Variants in ENTHD1 observed in about 807,000 individuals in gnomAD.
ENTHD1 encodes ENTH domain-containing protein 1.
In ENTHD1, 23 loss-of-function variants were observed where a neutral mutation model predicts 39.1. The observed-to-expected ratio is 0.59, with a 90% CI of 0.42 to 0.83. ENTHD1 has a LOEUF of 0.83. Among genes scored for constraint, ENTHD1 ranks in the 40% least tolerant of loss-of-function variants. The pLI is 0.00. For synonymous variants in ENTHD1, 230 were observed against 258.2 expected, an observed-to-expected ratio of 0.89 and a Z score of 1.05; for missense variants, 624 against 705.4, an observed-to-expected ratio of 0.88 and a Z score of 1.31.
chr22:39,779,503 G>T (rs904227390), intron 5 of ENTHD1, among the ~76,000 whole-genome samples: 6 of 149,884 alleles, frequency 4.0e-5, no homozygotes, highest in Non-Finnish European at 8.9e-5. Context: ...TGTCTTACAA[G>T]AAATGCTAAA....
intron 3 of ENTHD1, among the ~76,000 whole-genome samples, chr22:39,842,606 A>C (rs1017482224): frequency 3.9e-5 from 6 of 152,056 alleles, no homozygotes; most frequent in African/African-American, 1.4e-4. Flanking sequence ...AAAATTGACA[A>C]ATGGGATCTA....
intron 5 of ENTHD1, among the ~76,000 whole-genome samples, chr22:39,783,018 A>C (rs1409855880): frequency 3.9e-5 from 6 of 152,218 alleles, no homozygotes; most frequent in Non-Finnish European, 8.8e-5. Flanking sequence ...ATGCTCTTAT[A>C]CTTAGAAAAA....
chr22:39,873,944 T>C (rs2066265449), intron 2 of ENTHD1, among the ~76,000 whole-genome samples: 1 of 152,184 alleles, frequency 6.6e-6, no homozygotes, highest in Non-Finnish European at 1.5e-5. Flanking sequence ...GACTCGGCAA[T>C]TTACAAAAGA....
chr22:39,759,993 G>A (rs912195849), intron 6 of ENTHD1, among the ~76,000 whole-genome samples: 3 of 151,310 alleles, frequency 2.0e-5, no homozygotes, highest in East Asian at 1.9e-4. Flanking sequence ...TTTTCATACC[G>A]CACTTTATTT....
intron 6 of ENTHD1, among the ~76,000 whole-genome samples, chr22:39,758,149 G>A (rs1000028149): frequency 2.1e-4 from 32 of 152,130 alleles, no homozygotes; most frequent in African/African-American, 7.2e-4. Flanking sequence ...CACCTACTAG[G>A]TCTAGTAGCC....
chr22:39,854,013 A>C (rs1227776264), intron 3 of ENTHD1, among the ~76,000 whole-genome samples: 1 of 152,218 alleles, frequency 6.6e-6, no homozygotes, highest in African/African-American at 2.4e-5. Flanking sequence ...TCAGGGCACA[A>C]GGTGGGAACC....
intron 6 of ENTHD1, among the ~76,000 whole-genome samples, chr22:39,754,602 C>T (rs561992712): frequency 6.6e-6 from 1 of 152,316 alleles, no homozygotes; most frequent in African/African-American, 2.4e-5. Context: ...AAACCCTTCC[C>T]TCACATCTGA....
intron 3 of ENTHD1, among the ~76,000 whole-genome samples, chr22:39,854,022 C>A (rs989029907): frequency 1.3e-5 from 2 of 152,184 alleles, no homozygotes; most frequent in African/African-American, 4.8e-5. Flanking sequence ...AAGGTGGGAA[C>A]CATCCCTGGA....
In ENTHD1 at chr22:39,823,034, A is replaced by G. The variant is rs971100936; in HGVS notation, c.712-1921T>C. On this transcript the variant is annotated intron_variant, in intron 4 of 6. Coordinates refer to ENST00000325157, the MANE Select transcript of ENTHD1 (RefSeq NM_152512.4). ...TTCTGATGCCCTTTCATAGACATACACTCCCTCAACAGAACTAATCTGTTC... is the reference window on the plus strand; with the variant it reads ...TTCTGATGCCCTTTCATAGACATACGCTCCCTCAACAGAACTAATCTGTTC... Among the ~76,000 whole-genome samples the G allele has an allele frequency of 2.6e-5, 4 of 152,030 alleles. No homozygotes were observed. The South Asian group carries it at 8.3e-4, about 32-fold the overall frequency.
At chr22:39,770,090 A>G (rs2065310043) in intron 5 of ENTHD1, among the ~76,000 whole-genome samples, 1 of 152,118 alleles carries the variant, frequency 6.6e-6, no homozygotes, top group Non-Finnish European at 1.5e-5. Flanking sequence ...TATGTGTAGA[A>G]TGTGTATGAT....
intron 4 of ENTHD1, among the ~76,000 whole-genome samples, chr22:39,822,001 A>C (rs575268708): frequency 1.4e-4 from 21 of 152,352 alleles, no homozygotes; most frequent in Non-Finnish European, 2.9e-4. Flanking sequence ...GAGGAAAACA[A>C]GTATTCAGAC....
At chr22:39,837,846 A>G (rs1035145259) in intron 3 of ENTHD1, among the ~76,000 whole-genome samples, 5 of 152,240 alleles carry the variant, frequency 3.3e-5, no homozygotes, top group African/African-American at 9.6e-5. Context: ...TTTGCCATCC[A>G]TCTTAGGAAA....
At chr22:39,804,404 T>C (rs908834702) in intron 5 of ENTHD1, among the ~76,000 whole-genome samples, 1 of 149,138 alleles carries the variant, frequency 6.7e-6, no homozygotes, top group African/African-American at 2.5e-5. Context: ...GAGGATCACT[T>C]GACCCTAGGA....
chr22:39,798,754 G>T (rs1325283335), intron 5 of ENTHD1, among the ~76,000 whole-genome samples: 1 of 152,220 alleles, frequency 6.6e-6, no homozygotes, highest in East Asian at 1.9e-4. Flanking sequence ...AGCAGTGGCA[G>T]TGGTGAGCTG....
In ENTHD1 at chr22:39,853,741, T is replaced by C. The variant is rs182297119; in HGVS notation, c.592+8024A>G. 6.6e-5 allele frequency among the ~76,000 whole-genome samples: 10 copies of C among 152,088 alleles called. No individual in the cohort carries two copies. In the East Asian group the frequency reaches 1.9e-3, roughly 30 times the overall value. ...GGCAACTGCCATCATGCCTGGCTAATTTTTGTATTTTTACTAGAGATAGGG... is the reference window on the plus strand; with the variant it reads ...GGCAACTGCCATCATGCCTGGCTAACTTTTGTATTTTTACTAGAGATAGGG... On this transcript the variant is annotated intron_variant, in intron 3 of 6. Transcript: ENST00000325157.
chr22:39,777,233 G>A (rs1426751759), intron 5 of ENTHD1, among the ~76,000 whole-genome samples: 2 of 152,188 alleles, frequency 1.3e-5, no homozygotes, highest in Admixed American at 1.3e-4. Context: ...CTTATTAAAT[G>A]TATTGGTTTA....
chr22:39,868,959 G>A (rs1569175755), intron 2 of ENTHD1, among the ~76,000 whole-genome samples: 1 of 152,080 alleles, frequency 6.6e-6, no homozygotes, highest in Non-Finnish European at 1.5e-5. Flanking sequence ...TTATCAAAAA[G>A]CCAAAAAACA....
intron 4 of ENTHD1, among the ~76,000 whole-genome samples, chr22:39,823,237 G>T (rs1047814921): frequency 6.6e-6 from 1 of 152,078 alleles, no homozygotes; most frequent in Admixed American, 6.5e-5. Context: ...CCTTGATATA[G>T]ATGTAACATA....
chr22:39,863,961 C>A (rs2146729754), intron 2 of ENTHD1, among the ~76,000 whole-genome samples: 1 of 152,328 alleles, frequency 6.6e-6, no homozygotes, highest in African/African-American at 2.4e-5. Flanking sequence ...TTTCTTCCTT[C>A]CAAATCTACT....
Sources: allele counts gnomAD v4.1 joint callset (sites outside exome capture counted in the v4.1 genomes callset), GRCh38; gene constraint gnomAD v4.1.1; transcripts MANE v1.5; gene names NCBI Gene and HGNC (gene_info 2026-07-23, HGNC 2026-07-21).